The following VAPB variants were observed in gnomAD, a reference collection of about 807,000 sequenced individuals.
The protein encoded by VAPB is vesicle-associated membrane protein-associated protein B/C.
VAPB carries 7 observed loss-of-function variants against 25.6 expected under a neutral mutation model. The observed-to-expected ratio is 0.27, with a 90% CI of 0.16 to 0.51. The LOEUF (loss-of-function observed/expected upper bound fraction) is 0.51. VAPB is among the 20% of genes least tolerant of loss of function. The probability of loss-of-function intolerance (pLI) is 0.97; values close to 1 mark genes in which losing one functional copy is unlikely to be tolerated. For synonymous variants in VAPB, 112 were observed against 109.2 expected, an observed-to-expected ratio of 1.03 and a Z score of -0.16; for missense variants, 266 against 301.3, an observed-to-expected ratio of 0.88 and a Z score of 0.87.
In VAPB at chr20:58,438,962, G is replaced by A. The variant is rs762402998; in HGVS notation, c.333G>A (p.Pro111=). 3.2e-5 allele frequency: 52 copies of A among 1,613,676 alleles called. No individual in the cohort carries two copies. In the Middle Eastern group the frequency reaches 4.9e-4, roughly 15 times the overall value. The change falls in exon 4 of 6, where the codon CCG becomes CCA. Residue 111 remains proline, a synonymous_variant. Coordinates refer to ENST00000475243, the MANE Select transcript of VAPB (RefSeq NM_004738.5). ...TGTTTTAGTGGAAGGAGGCAAAACCGGAAGACCTTATGGATTCAAAACTTA... is the reference window on the plus strand; with the variant it reads ...TGTTTTAGTGGAAGGAGGCAAAACCAGAAGACCTTATGGATTCAAAACTTA... The part of the protein sequence containing the change: ...DMEAVWKEAK[P]EDLMDSKLRC...
chr20:58,424,055 C>G (rs546900031), intron 2 of VAPB, among the ~76,000 whole-genome samples: 3 of 152,164 alleles, frequency 2.0e-5, no homozygotes, highest in African/African-American at 7.2e-5. Flanking sequence ...TTTTAAATAT[C>G]AAGATCAAGA....
At chr20:58,417,881 A>G (rs1180331798) in intron 1 of VAPB, among the ~76,000 whole-genome samples, 5 of 152,176 alleles carry the variant, frequency 3.3e-5, no homozygotes, top group South Asian at 2.1e-4. Flanking sequence ...CACTACCACT[A>G]TCATGAAAAC....
At chr20:58,403,309 A>G (rs969387780) in intron 1 of VAPB, among the ~76,000 whole-genome samples, 1 of 152,124 alleles carries the variant, frequency 6.6e-6, no homozygotes, top group African/African-American at 2.4e-5. Flanking sequence ...TCGTTAGCCT[A>G]TTACTGCTGT....
At chr20:58,422,573 A>C (rs1413942191) in intron 2 of VAPB, among the ~76,000 whole-genome samples, 3 of 151,316 alleles carry the variant, frequency 2.0e-5, no homozygotes, top group African/African-American at 7.3e-5. Context: ...ATTTCTGAAA[A>C]TGTCTTTGTG....
chr20:58,437,747 T>G (rs1427204029), intron 3 of VAPB, among the ~76,000 whole-genome samples: 2 of 152,248 alleles, frequency 1.3e-5, no homozygotes, highest in Non-Finnish European at 2.9e-5. Flanking sequence ...TTTCTCCATC[T>G]AACTGAGTGC....
chr20:58,410,674 C>T (rs1988356164), intron 1 of VAPB, among the ~76,000 whole-genome samples: 1 of 152,152 alleles, frequency 6.6e-6, no homozygotes, highest in Non-Finnish European at 1.5e-5. Context: ...CCCCGCCCCA[C>T]TCAGCCTCCC....
At chr20:58,406,560 G>A (rs1046195760) in intron 1 of VAPB, among the ~76,000 whole-genome samples, 1 of 152,160 alleles carries the variant, frequency 6.6e-6, no homozygotes, top group Non-Finnish European at 1.5e-5. Context: ...ATTCCAGTTG[G>A]ATCATCAAGG....
At chr20:58,418,443 A>G (rs1772318724) in intron 2 of VAPB, 80 bp downstream of exon 2, 1 of 1,555,066 alleles carries the variant, frequency 6.4e-7, no homozygotes, top group Admixed American at 1.8e-5. Context: ...TTGTATTTGC[A>G]GTGTAGCAGA....
intron 5 of VAPB, among the ~76,000 whole-genome samples, chr20:58,443,724 G>A (rs1266637908): frequency 2.0e-5 from 3 of 152,086 alleles, no homozygotes; most frequent in African/African-American, 4.8e-5. Context: ...AGAAGCATCC[G>A]GAAGACATGG....
chr20:58,409,939 C>T (rs553165984), intron 1 of VAPB, among the ~76,000 whole-genome samples: 3 of 142,828 alleles, frequency 2.1e-5, no homozygotes, highest in Admixed American at 2.1e-4. Context: ...ACACACAATA[C>T]AGATAGATAT....
intron 1 of VAPB, 86 bp downstream of exon 1, chr20:58,389,603 G>A: frequency 1.4e-6 from 2 of 1,435,240 alleles, no homozygotes; most frequent in Non-Finnish European, 9.3e-7. Flanking sequence ...GGTGACGTCG[G>A]CCCTCGTCCC....
At chr20:58,443,402 T>TTG (rs1218961493) in intron 5 of VAPB, among the ~76,000 whole-genome samples, 5 of 148,988 alleles carry the variant, frequency 3.4e-5, no homozygotes, top group Non-Finnish European at 5.9e-5. Context: ...TTTTAGGTTT[T>TTG]TTTTTTTTTT....
rs558479444 is a variant in VAPB, at chr20:58,429,323, C to T, written c.212-5279C>T. On this transcript the variant is annotated intron_variant, in intron 2 of 5. Transcript: ENST00000475243. ...CTGTGTATATATCTCCTCAGTCCTC[C>T]GCTTTTGCAGAAGGGCTGTTGGACC... is the stretch of plus-strand genomic sequence containing the variant. Among the ~76,000 whole-genome samples, 4 of 152,330 alleles carry T rather than the reference C, an allele frequency of 2.6e-5. No individual in the cohort carries two copies. In the East Asian group the frequency reaches 5.8e-4, roughly 22 times the overall value.
At position 58,423,241 on chromosome 20, in the gene VAPB, G is replaced by A. The variant is rs530917085; in HGVS notation, c.211+4878G>A. On this transcript the variant is annotated intron_variant, in intron 2 of 5. Transcript: ENST00000475243. ...ATCCTGACCAACATGGAGAAACCCCGTCTCTACTAAACATACAAAATTAGC... is the reference window on the plus strand; with the variant it reads ...ATCCTGACCAACATGGAGAAACCCCATCTCTACTAAACATACAAAATTAGC... Among the ~76,000 whole-genome samples the A allele has an allele frequency of 7.3e-5, 11 of 151,374 alleles. No individual in the cohort carries two copies. The East Asian group carries it at 7.8e-4, about 11-fold the overall frequency.
intron 1 of VAPB, among the ~76,000 whole-genome samples, chr20:58,405,034 G>A (rs1317329972): frequency 6.6e-6 from 1 of 152,078 alleles, no homozygotes; most frequent in Non-Finnish European, 1.5e-5. Flanking sequence ...ATATGATGTG[G>A]TGTCAGGCAG....
intron 1 of VAPB, among the ~76,000 whole-genome samples, chr20:58,390,630 G>A (rs1004907240): frequency 4.6e-4 from 70 of 152,282 alleles, no homozygotes; most frequent in African/African-American, 1.5e-3. Flanking sequence ...CTCCATGGAA[G>A]CGTACTTTAG....
At chr20:58,399,313 G>A (rs74452874) in intron 1 of VAPB, among the ~76,000 whole-genome samples, 1 of 149,952 alleles carries the variant, frequency 6.7e-6, no homozygotes, top group Non-Finnish European at 1.5e-5. Context: ...AAAAAAAAAA[G>A]AGAGAAAAAG....
At chr20:58,412,044 G>T (rs1320736059) in intron 1 of VAPB, among the ~76,000 whole-genome samples, 1 of 152,162 alleles carries the variant, frequency 6.6e-6, no homozygotes, top group African/African-American at 2.4e-5. Context: ...TTTTATTCAG[G>T]TATGTTTTTA....
chr20:58,437,564 T>C (rs1024553022), intron 3 of VAPB, among the ~76,000 whole-genome samples: 1 of 152,250 alleles, frequency 6.6e-6, no homozygotes, highest in Admixed American at 6.5e-5. Flanking sequence ...TTTGAGACCA[T>C]GTGAATATCC....
Sources: allele counts gnomAD v4.1 joint callset (sites outside exome capture counted in the v4.1 genomes callset), GRCh38; gene constraint gnomAD v4.1.1; transcripts MANE v1.5; gene names NCBI Gene and HGNC (gene_info 2026-07-23, HGNC 2026-07-21).